VIPR2: variants seen among roughly 807,000 people sequenced by gnomAD.
The protein encoded by VIPR2 is vasoactive intestinal polypeptide receptor 2.
In VIPR2, 48 loss-of-function variants were observed where a neutral mutation model predicts 58.0. The observed-to-expected ratio is 0.83, with a 90% confidence interval of 0.66 to 1.05. VIPR2 has a LOEUF of 1.05. Among genes scored for constraint, VIPR2 ranks in the 50% least tolerant of loss-of-function variants. The pLI is 0.00. For missense variants in VIPR2, 534 were observed against 558.0 expected, an observed-to-expected ratio of 0.96 and a Z score of 0.43; for synonymous variants, 243 against 235.2, an observed-to-expected ratio of 1.03 and a Z score of -0.30.
chr7:159,142,311 A>T (rs1741802324), intron 2 of VIPR2, 135 bp downstream of exon 2: 1 of 649,628 alleles, frequency 1.5e-6, no homozygotes, highest in Non-Finnish European at 2.7e-6. Flanking sequence ...TTCATTAACA[A>T]ACAATGGGAA....
chr7:159,096,719 G>C lies in VIPR2; in HGVS notation c.357+7038C>G. On this transcript the variant is annotated intron_variant, in intron 4 of 12. Coordinates refer to ENST00000262178, the MANE Select transcript of VIPR2 (RefSeq NM_003382.5). The surrounding 1 kb of genome is among the most constrained non-coding windows in gnomAD (Gnocchi z 5.5). ...CAGAAAAGTGCTCATAATCCTGTCT[G>C]GTTGTGCCAGGTGACAGCTGAATGA... 1 of 1,364,308 alleles carries C rather than the reference G, an allele frequency of 7.3e-7. No individual in the cohort carries two copies. The highest frequency in any genetic ancestry group is 9.6e-7 in the Non-Finnish European group (1 of 1,046,928). The allele number at this position is 1,364,308 out of a possible 1,614,324, so 84.5% of individuals were successfully genotyped here.
chr7:159,031,420 G>C lies in VIPR2; in HGVS notation c.1143+408C>G, dbSNP rs1005056143. On this transcript the variant is annotated intron_variant, in intron 12 of 12. Coordinates refer to ENST00000262178, the MANE Select transcript of VIPR2 (RefSeq NM_003382.5). The surrounding 1 kb of genome is among the most constrained non-coding windows in gnomAD (Gnocchi z 4.0). ...AACGCAGGGCAGAGCTCGGCTCCGGGCTTCCTCCCCAGGGACTCACAGGAC... is the reference window on the plus strand; with the variant it reads ...AACGCAGGGCAGAGCTCGGCTCCGGCCTTCCTCCCCAGGGACTCACAGGAC... The C allele has an allele frequency of 2.0e-6, 2 of 984,120 alleles. No homozygotes were observed. Among genetic ancestry groups the C allele is most frequent in the African/African-American group, 1.7e-5 (1 of 57,326 alleles). The allele number at this position is 984,120 out of a possible 1,614,324, so 61.0% of individuals were successfully genotyped here.
At chr7:159,040,582 A>G (rs1298145983) in intron 6 of VIPR2, among the ~76,000 whole-genome samples, 4 of 152,256 alleles carry the variant, frequency 2.6e-5, no homozygotes, top group Non-Finnish European at 5.9e-5. Context: ...AGAACTGTTC[A>G]TCTTCTTGGC....
intron 4 of VIPR2, among the ~76,000 whole-genome samples, chr7:159,087,034 G>A (rs1339516755): frequency 1.3e-5 from 2 of 151,916 alleles, no homozygotes; most frequent in Non-Finnish European, 1.5e-5. Flanking sequence ...CAACAATACC[G>A]AGGATCCTGA....
At chr7:159,087,964 G>A (rs1467437504) in intron 4 of VIPR2, among the ~76,000 whole-genome samples, 4 of 152,324 alleles carry the variant, frequency 2.6e-5, no homozygotes, top group African/African-American at 9.6e-5. Context: ...ATACCCAAGT[G>A]GGGGCACTCC....
chr7:159,115,349 A>C (rs1796196495), intron 2 of VIPR2, among the ~76,000 whole-genome samples: 1 of 152,286 alleles, frequency 6.6e-6, no homozygotes, highest in African/African-American at 2.4e-5. Flanking sequence ...ACACCGAGGC[A>C]GAAGCTCAGA....
chr7:159,142,586 A>T (rs773828475), intron 1 of VIPR2, 41 bp from the exon 2 acceptor site: 1 of 1,509,416 alleles, frequency 6.6e-7, no homozygotes, highest in Admixed American at 1.8e-5. Context: ...TAAAAATTCC[A>T]CAAGAAGAAG....
chr7:159,070,259 T>G (rs1856311019), intron 4 of VIPR2, among the ~76,000 whole-genome samples: 1 of 152,130 alleles, frequency 6.6e-6, no homozygotes, highest in African/African-American at 2.4e-5. Context: ...CAGCCGCCCC[T>G]GCATCCAGGG....
At chr7:159,109,956 T>C in intron 2 of VIPR2, 37 bp from the exon 3 acceptor site, 2 of 1,600,134 alleles carry the variant, frequency 1.2e-6, no homozygotes, top group Non-Finnish European at 1.7e-6. Flanking sequence ...AGGTGCAAGG[T>C]GACAGAAGTG....
At chr7:159,103,648 A>G (rs1051637668) in intron 4 of VIPR2, 109 bp downstream of exon 4, 1 of 836,690 alleles carries the variant, frequency 1.2e-6, no homozygotes, top group Admixed American at 2.0e-5. Context: ...TGGTACTCAG[A>G]GGATTATTTA....
chr7:159,080,922 A>G (rs547497236), intron 4 of VIPR2, among the ~76,000 whole-genome samples: 131 of 152,294 alleles, frequency 8.6e-4, no homozygotes, highest in African/African-American at 3.1e-3. Flanking sequence ...GATGTGAAGG[A>G]CCTCTTCAAG....
At chr7:159,135,004 G>GTTTGTTTTTTTT (rs1797145466) in intron 2 of VIPR2, among the ~76,000 whole-genome samples, 1 of 65,992 alleles carries the variant, frequency 1.5e-5, no homozygotes, top group Non-Finnish European at 2.8e-5. Context: ...AATTACAAAA[G>GTTTGTTTTTTTT]TTTTTTTTTT....
chr7:159,139,557 G>A (rs1236525941), intron 2 of VIPR2, among the ~76,000 whole-genome samples: 1 of 152,222 alleles, frequency 6.6e-6, no homozygotes, highest in Non-Finnish European at 1.5e-5. Flanking sequence ...CATGTAGATC[G>A]AAATTAGTTC....
In VIPR2 at chr7:159,031,472, GGCCCGGCTTTCTGGGACTC is replaced by G; in HGVS notation, c.1143+337_1143+355del. The G allele has an allele frequency of 1.0e-6, 1 of 985,078 alleles. No homozygotes were observed. Among genetic ancestry groups the G allele is most frequent in the Non-Finnish European group, 1.2e-6 (1 of 829,716 alleles). The allele number at this position is 985,078 out of a possible 1,614,324, so 61.0% of individuals were successfully genotyped here. ...CTGTGCAGCCCCACCCCCCAACCCA[GGCCCGGCTTTCTGGGACTC>G]ACAAGCTATGGTCAGGAGCGAGACG... On this transcript the variant is annotated intron_variant, in intron 12 of 12. Coordinates refer to ENST00000262178, the MANE Select transcript of VIPR2 (RefSeq NM_003382.5). This position sits in a 1 kb window ranked among gnomAD's most constrained non-coding sequence, Gnocchi z 4.0.
At chr7:159,121,224 C>G (rs1796444313) in intron 2 of VIPR2, among the ~76,000 whole-genome samples, 1 of 143,658 alleles carries the variant, frequency 7.0e-6, no homozygotes, top group South Asian at 2.5e-4. Context: ...ATTCCTCCTT[C>G]CTCGTCGTGC....
chr7:159,062,251 A>G (rs757791735), intron 4 of VIPR2, among the ~76,000 whole-genome samples: 6 of 152,172 alleles, frequency 3.9e-5, no homozygotes, highest in Non-Finnish European at 8.8e-5. Flanking sequence ...CCCGCAGGTG[A>G]GAGAGCAGCG....
chr7:159,101,631 C>T (rs1858249814), intron 4 of VIPR2, among the ~76,000 whole-genome samples: 1 of 144,744 alleles, frequency 6.9e-6, no homozygotes, highest in Non-Finnish European at 1.5e-5. Context: ...GAACGGGTCT[C>T]ACGAGATCCG....
chr7:159,123,055 G>A (rs1796514486), intron 2 of VIPR2, among the ~76,000 whole-genome samples: 1 of 152,064 alleles, frequency 6.6e-6, no homozygotes, highest in Admixed American at 6.6e-5. Context: ...AGTACTTTGG[G>A]AGGCCGAGGC....
chr7:159,133,084 T>TTTTGAGTCTACTATAACA (rs1350052548), intron 2 of VIPR2, among the ~76,000 whole-genome samples: 1 of 10,216 alleles, frequency 9.8e-5, no homozygotes, highest in Non-Finnish European at 3.6e-4. Context: ...CAAAACGCTA[T>TTTTGAGTCTACTATAACA]TTTGATTTCT....
Sources: gnomAD v4.1 joint callset for allele counts (sites outside exome capture counted in the v4.1 genomes callset) on GRCh38, gnomAD v4.1.1 for gene constraint, Gnocchi (gnomAD v3.1) non-coding constraint, MANE v1.5 for transcripts, NCBI Gene and HGNC (gene_info 2026-07-23, HGNC 2026-07-21) for gene names.